Variants in SLC1A1 observed in about 807,000 individuals in gnomAD.
SLC1A1 encodes solute carrier family 1 member 1, also known as excitatory amino acid transporter 3.
SLC1A1 carries 43 observed loss-of-function variants against 53.3 expected under a neutral mutation model. The ratio of observed to expected loss-of-function variants is 0.81; its 90% CI spans 0.63 to 1.04. SLC1A1 has a LOEUF of 1.04. SLC1A1 is among the 50% of genes least tolerant of loss of function. The pLI is 0.00. For synonymous variants in SLC1A1, 307 were observed against 243.2 expected, an observed-to-expected ratio of 1.26 and a Z score of -2.44; for missense variants, 748 against 664.9, an observed-to-expected ratio of 1.12 and a Z score of -1.37.
At position 4,521,785 on chromosome 9, in the gene SLC1A1, G is replaced by A. The variant is rs371494406; in HGVS notation, c.92-22782G>A. Among the ~76,000 whole-genome samples, 3 of 152,258 alleles carry A rather than the reference G, an allele frequency of 2.0e-5. No individual in the cohort carries two copies. The East Asian group carries it at 5.8e-4, about 29-fold the overall frequency. On this transcript the variant is annotated intron_variant, in intron 1 of 11. Transcript: ENST00000262352. ...GAAGAGGGAAGGGGCAAGTGCAGTT[G>A]ATGGTGGCAGCTAAGTGGGAGAGAA...
At chr9:4,558,624 A>G (rs1818649587) in intron 2 of SLC1A1, among the ~76,000 whole-genome samples, 1 of 152,222 alleles carries the variant, frequency 6.6e-6, no homozygotes, top group African/African-American at 2.4e-5. Context: ...GCACCAGCCC[A>G]TGGCCAAATC....
intron 10 of SLC1A1, among the ~76,000 whole-genome samples, chr9:4,577,277 G>A (rs939747892): frequency 6.6e-6 from 1 of 152,192 alleles, no homozygotes; most frequent in Non-Finnish European, 1.5e-5. Flanking sequence ...ATTTGGAGTG[G>A]CAGAAATAGC....
chr9:4,581,026 T>G (rs552032728), intron 10 of SLC1A1, among the ~76,000 whole-genome samples: 1 of 152,330 alleles, frequency 6.6e-6, no homozygotes, highest in African/African-American at 2.4e-5. Context: ...CCAGATGCCT[T>G]ACGTGTATTA....
chr9:4,565,284 T>C (rs923076831), intron 4 of SLC1A1, among the ~76,000 whole-genome samples: 9 of 152,198 alleles, frequency 5.9e-5, no homozygotes, highest in Admixed American at 4.6e-4. Context: ...GTAATTATGA[T>C]GATATTTGCA....
chr9:4,543,104 A>T (rs7857946), intron 1 of SLC1A1, among the ~76,000 whole-genome samples: 2,867 of 152,330 alleles, frequency 0.019, 83 homozygotes, highest in African/African-American at 0.064. Context: ...TATTTGGTCT[A>T]CTAGTGGGCA....
At position 4,561,433 on chromosome 9, in the gene SLC1A1, T is replaced by A. The variant is rs1256976011; in HGVS notation, c.233-16T>A. 1 of 1,479,246 alleles carries A rather than the reference T, an allele frequency of 6.8e-7. No individual in the cohort carries two copies. Among genetic ancestry groups the A allele is most frequent in the Non-Finnish European group, 9.5e-7 (1 of 1,057,104 alleles). The allele number at this position is 1,479,246 out of a possible 1,614,324, so 91.6% of individuals were successfully genotyped here. A position where few individuals can be genotyped will look rare whatever the true frequency, so the allele number is the denominator to read the frequency against. ...CTTTTAAAATTAATGTAATTTGATT[T>A]CTGTCTCCCCTTCAGGTGTTGCTGC... is the stretch of plus-strand genomic sequence containing the variant. On this transcript the variant is annotated splice_polypyrimidine_tract_variant and intron_variant, in intron 2 of 11. Transcript: ENST00000262352.
intron 2 of SLC1A1, among the ~76,000 whole-genome samples, chr9:4,560,928 G>T (rs1045090686): frequency 3.3e-5 from 5 of 150,770 alleles, no homozygotes; most frequent in African/African-American, 1.2e-4. Context: ...CCCAGGAGAT[G>T]GAGGTTGTAA....
intron 1 of SLC1A1, among the ~76,000 whole-genome samples, chr9:4,513,642 C>A (rs1186987234): frequency 6.6e-6 from 1 of 152,162 alleles, no homozygotes; most frequent in Non-Finnish European, 1.5e-5. Flanking sequence ...AACAATTTGG[C>A]ACTTTCTTAT....
Position 4,575,078 on chromosome 9 carries a change from C to G in SLC1A1, c.876-923C>G, listed in dbSNP as rs538572471. Among the ~76,000 whole-genome samples the G allele has an allele frequency of 2.0e-5, 3 of 152,338 alleles. No homozygotes were observed. In the South Asian group the frequency reaches 6.2e-4, roughly 32 times the overall value. On this transcript the variant is annotated intron_variant, in intron 8 of 11. Coordinates refer to ENST00000262352, the MANE Select transcript of SLC1A1 (RefSeq NM_004170.6). ...AGCTGAGCCATTTCATAACCGAGTT[C>G]TGCTGGTTTCTATTCTCTTACCCCA...
At chr9:4,521,059 T>C (rs1816052975) in intron 1 of SLC1A1, among the ~76,000 whole-genome samples, 1 of 152,230 alleles carries the variant, frequency 6.6e-6, no homozygotes, top group Admixed American at 6.5e-5. Context: ...TTACTGTCCA[T>C]TTGTATATCT....
intron 6 of SLC1A1, 53 bp downstream of exon 6, chr9:4,567,820 G>A (rs374401231): frequency 4.7e-6 from 5 of 1,059,058 alleles, no homozygotes; most frequent in East Asian, 4.8e-5. Context: ...ACTGAGTCAT[G>A]ACTGAGCAGG....
intron 2 of SLC1A1, among the ~76,000 whole-genome samples, chr9:4,550,501 C>T (rs1817835911): frequency 6.6e-6 from 1 of 152,162 alleles, no homozygotes. Context: ...AGCCATCCTT[C>T]CACCTAAGCC....
chr9:4,555,879 C>G (rs1818328174), intron 2 of SLC1A1, among the ~76,000 whole-genome samples: 1 of 152,172 alleles, frequency 6.6e-6, no homozygotes, highest in Admixed American at 6.5e-5. Flanking sequence ...TGGAGCAAAT[C>G]CAGTTGTTAA....
chr9:4,527,646 C>A (rs560555778), intron 1 of SLC1A1, among the ~76,000 whole-genome samples: 13 of 152,122 alleles, frequency 8.5e-5, no homozygotes, highest in Non-Finnish European at 1.6e-4. Context: ...AAAAGATCTA[C>A]AGAAATTGTT....
intron 1 of SLC1A1, among the ~76,000 whole-genome samples, chr9:4,514,116 G>A (rs1461163038): frequency 6.6e-6 from 1 of 152,140 alleles, no homozygotes; most frequent in Non-Finnish European, 1.5e-5. Flanking sequence ...TAATTTTGAT[G>A]GTGGCTATAA....
chr9:4,556,078 T>C lies in SLC1A1; in HGVS notation c.233-5371T>C, dbSNP rs1046615571. ...ATATCGGCTCACTGCAACCTCCACC[T>C]CCCAGGTTCAAGAGATTCTCCTGCC... On this transcript the variant is annotated intron_variant, in intron 2 of 11. Transcript: ENST00000262352. The surrounding 1 kb of genome is among the most constrained non-coding windows in gnomAD (Gnocchi z 4.1). 5.3e-5 allele frequency among the ~76,000 whole-genome samples: 8 copies of C among 151,620 alleles called. No individual in the cohort carries two copies. Among genetic ancestry groups the C allele is most frequent in the African/African-American group, 1.9e-4 (8 of 41,250 alleles).
chr9:4,508,147 T>C (rs1379816960), intron 1 of SLC1A1, among the ~76,000 whole-genome samples: 1 of 150,808 alleles, frequency 6.6e-6, no homozygotes, highest in East Asian at 2.0e-4. Context: ...AGATAAAGGG[T>C]CTTCACAGGA....
At chr9:4,500,030 T>A (rs1286388722) in intron 1 of SLC1A1, among the ~76,000 whole-genome samples, 1 of 152,164 alleles carries the variant, frequency 6.6e-6, no homozygotes, top group Admixed American at 6.6e-5. Context: ...CTTTCCACAT[T>A]AATTGCTTGT....
chr9:4,501,227 A>T (rs1715998639), intron 1 of SLC1A1, among the ~76,000 whole-genome samples: 1 of 151,538 alleles, frequency 6.6e-6, no homozygotes, highest in Middle Eastern at 3.2e-3. Flanking sequence ...TCCGTCACCC[A>T]GGCTGGAGTG....
Sources: allele counts gnomAD v4.1 joint callset (sites outside exome capture counted in the v4.1 genomes callset), GRCh38; gene constraint gnomAD v4.1.1; non-coding constraint Gnocchi (gnomAD v3.1); transcripts MANE v1.5; gene names NCBI Gene and HGNC (gene_info 2026-07-23, HGNC 2026-07-21).